Variants in DEPDC5 observed in about 807,000 individuals in gnomAD.
DEPDC5 encodes GATOR1 complex protein DEPDC5.
A neutral mutation model predicts 217.3 loss-of-function variants in DEPDC5; 73 were observed. The ratio of observed to expected loss-of-function variants is 0.34; its 90% CI spans 0.28 to 0.41. The LOEUF is 0.41. DEPDC5 is among the 10% of genes least tolerant of loss of function. The pLI is 1.00. For synonymous variants in DEPDC5, 733 were observed against 756.7 expected (o/e 0.97, Z 0.51); for missense variants, 1,675 against 2,070.1 (o/e 0.81, Z 3.70).
intron 20 of DEPDC5, among the ~76,000 whole-genome samples, chr22:31,811,873 T>G (rs897245196): frequency 7.2e-5 from 11 of 152,322 alleles, no homozygotes; most frequent in African/African-American, 2.6e-4. Context: ...TGTGATGTAG[T>G]TAGATCTACT....
At chr22:31,837,505 C>T (rs2091100741) in intron 26 of DEPDC5, among the ~76,000 whole-genome samples, 1 of 151,890 alleles carries the variant, frequency 6.6e-6, no homozygotes, top group Admixed American at 6.6e-5. Flanking sequence ...GGAGTGGCAG[C>T]ACCACATCTA....
chr22:31,825,349 A>T (rs568533683), intron 24 of DEPDC5, among the ~76,000 whole-genome samples: 1 of 152,328 alleles, frequency 6.6e-6, no homozygotes, highest in African/African-American at 2.4e-5. Flanking sequence ...GTTGTGGAAG[A>T]TTTTAACATG....
At position 31,823,634 on chromosome 22, in the gene DEPDC5, T is replaced by C. The variant is rs2089908315; in HGVS notation, c.2104+844T>C. Among the ~76,000 whole-genome samples, 3 of 149,992 alleles carry C rather than the reference T, an allele frequency of 2.0e-5. 1 individual carries two copies. In the South Asian group the frequency reaches 6.3e-4, roughly 32 times the overall value. Reference sequence around the variant, plus strand: ...TTAGAAGGTGAAGTTTCAGTGCGGGTGGGGGAAGCAGTATGAATTTGGTTT... The same window carrying C: ...TTAGAAGGTGAAGTTTCAGTGCGGGCGGGGGAAGCAGTATGAATTTGGTTT... On this transcript the variant is annotated intron_variant, in intron 24 of 42. Coordinates refer to ENST00000651528, the MANE Select transcript of DEPDC5 (RefSeq NM_001242896.3).
intron 3 of DEPDC5, among the ~76,000 whole-genome samples, chr22:31,759,717 CT>C (rs2082234149): frequency 7.3e-6 from 1 of 137,640 alleles, no homozygotes; most frequent in Non-Finnish European, 1.5e-5. Flanking sequence ...GAGTCTCGCT[CT>C]GTCACCCAGG....
Position 31,897,778 on chromosome 22 carries a change from A to G in DEPDC5, c.4375+125A>G, listed in dbSNP as rs1030659498. ...GGGACAGCCTTTCAACAAGGGGCCA[A>G]AAGGATCAAGGTTCTAAAGGATCCT... On this transcript the variant is annotated intron_variant, in intron 40 of 42. Transcript: ENST00000651528. 20 of 1,153,952 alleles carry G rather than the reference A, an allele frequency of 1.7e-5. No homozygotes were observed. In the African/African-American group the frequency reaches 2.8e-4, roughly 16 times the overall value. 71.5% of individuals were successfully genotyped at this position (1,153,952 alleles called of 1,614,324 possible).
intron 39 of DEPDC5, chr22:31,895,011 C>T (rs1427937426): frequency 6.6e-6 from 1 of 151,240 alleles, no homozygotes; most frequent in Non-Finnish European, 1.5e-5. Context: ...GGCGTGGTGG[C>T]GCACTGCCTA....
In DEPDC5 at chr22:31,802,816, C is replaced by T. The variant is rs754599903; in HGVS notation, c.1059C>T (p.Thr353=). The T allele has an allele frequency of 6.2e-7, 1 of 1,604,876 alleles. No individual in the cohort carries two copies. Residue 353 remains threonine, a synonymous_variant, in exon 15 of 43, where the codon ACC becomes ACT. Transcript: ENST00000651528. ...TGGACCGCCTACTCATGATCCTGACCAAGCAGCGGATGATAGATAATGGTA... is the reference window on the plus strand; with the variant it reads ...TGGACCGCCTACTCATGATCCTGACTAAGCAGCGGATGATAGATAATGGTA... ...FEVDRLLMIL[T]KQRMIDNGIG... is the part of the protein sequence containing the mutation.
intron 38 of DEPDC5, among the ~76,000 whole-genome samples, chr22:31,885,909 A>G (rs188391955): frequency 2.4e-4 from 37 of 151,342 alleles, no homozygotes; most frequent in Non-Finnish European, 4.4e-4. Flanking sequence ...TGGCGGGCAC[A>G]TGTAACCCCA....
chr22:31,900,714 G>A (rs909226278), intron 40 of DEPDC5, among the ~76,000 whole-genome samples: 2 of 151,778 alleles, frequency 1.3e-5, no homozygotes, highest in African/African-American at 2.4e-5. Flanking sequence ...ACTCCAGCCT[G>A]GGCAACAAGA....
At chr22:31,785,108 G>T (rs2084847326) in intron 10 of DEPDC5, 6 of 430,498 alleles carry the variant, frequency 1.4e-5, no homozygotes, top group Admixed American at 4.1e-5. Flanking sequence ...CAGTAACAAG[G>T]TAAGTATGCT....
intron 14 of DEPDC5, among the ~76,000 whole-genome samples, chr22:31,799,652 C>T (rs991912308): frequency 2.0e-5 from 3 of 151,352 alleles, no homozygotes; most frequent in Non-Finnish European, 4.4e-5. Flanking sequence ...CAGGTGTGCA[C>T]CACCATGCCC....
Position 31,804,533 on chromosome 22 carries a change from G to A in DEPDC5, c.1144-309G>A, listed in dbSNP as rs570991397. Among the ~76,000 whole-genome samples, 4 of 152,238 alleles carry A rather than the reference G, an allele frequency of 2.6e-5. No homozygotes were observed. In the East Asian group the frequency reaches 7.7e-4, roughly 29 times the overall value. On this transcript the variant is annotated intron_variant, in intron 16 of 42. Coordinates refer to ENST00000651528, the MANE Select transcript of DEPDC5 (RefSeq NM_001242896.3). ...TGGCTCACTGCAACCTCTGCCTCCC[G>A]GGTTCAATCAGTTCTCCTGCCTCAG...
intron 38 of DEPDC5, 138 bp downstream of exon 38, chr22:31,879,890 G>A (rs965224369): frequency 9.8e-6 from 8 of 813,528 alleles, no homozygotes; most frequent in South Asian, 6.8e-5. Context: ...TGTGTCTGTC[G>A]GCACTGTTGG....
At chr22:31,863,922 G>GAA (rs11394299) in intron 33 of DEPDC5, among the ~76,000 whole-genome samples, 157 of 149,054 alleles carry the variant, frequency 1.1e-3, no homozygotes, top group Non-Finnish European at 2.1e-3. Flanking sequence ...GACTCCATCT[G>GAA]AAAAAAAACA....
intron 33 of DEPDC5, among the ~76,000 whole-genome samples, chr22:31,870,314 A>G (rs1397872561): frequency 6.6e-6 from 1 of 152,082 alleles, no homozygotes; most frequent in Admixed American, 6.6e-5. Context: ...TTTACTGTGA[A>G]GAGTGGCCTC....
intron 26 of DEPDC5, among the ~76,000 whole-genome samples, chr22:31,837,530 A>G (rs1265256697): frequency 6.6e-6 from 1 of 151,488 alleles, no homozygotes; most frequent in East Asian, 1.9e-4. Flanking sequence ...ATTTTTGTGT[A>G]TTTTATAAAG....
rs913465965 is a variant in DEPDC5 at position 31,814,885 on chromosome 22, T to G, written c.1446-107T>G. ...CACTTGTAGATCACACTGGGGATTT[T>G]TGTTATTGGGTTCCATGTGGCTTGG... On this transcript the variant is annotated intron_variant, in intron 20 of 42. Transcript: ENST00000651528. 7.4e-6 allele frequency: 9 copies of G among 1,223,158 alleles called. No homozygotes were observed. The African/African-American group carries it at 1.4e-4, about 18-fold the overall frequency. 75.8% of individuals were successfully genotyped at this position (1,223,158 alleles called of 1,614,324 possible).
intron 5 of DEPDC5, among the ~76,000 whole-genome samples, chr22:31,765,909 T>A (rs1216637038): frequency 2.0e-5 from 3 of 151,988 alleles, no homozygotes; most frequent in African/African-American, 7.2e-5. Flanking sequence ...TGAAGTCCCA[T>A]CTACTCGGGA....
At chr22:31,886,755 CAAAAAAAAAAAAAA>C (rs1224610835) in intron 38 of DEPDC5, among the ~76,000 whole-genome samples, 1 of 52,122 alleles carries the variant, frequency 1.9e-5, no homozygotes, top group African/African-American at 5.7e-5. Flanking sequence ...GTCTCCATCT[CAAAAAAAAAAAAAA>C]AAAAAAAGAG....
Sources: gnomAD v4.1 joint callset for allele counts (sites outside exome capture counted in the v4.1 genomes callset) on GRCh38, gnomAD v4.1.1 for gene constraint, MANE v1.5 for transcripts, NCBI Gene and HGNC (gene_info 2026-07-23, HGNC 2026-07-21) for gene names.